The following MACF1 variants were observed in gnomAD, a reference collection of about 807,000 sequenced individuals.
The protein encoded by MACF1 is microtubule actin crosslinking factor 1.
A neutral mutation model predicts 854.8 loss-of-function variants in MACF1; 193 were observed. That is an observed-to-expected ratio of 0.23 (90% CI 0.20 to 0.25). MACF1 has a LOEUF of 0.25. Among genes scored for constraint, MACF1 ranks in the 10% least tolerant of loss-of-function variants. MACF1 has a pLI of 1.00. For synonymous variants in MACF1, 3,185 were observed against 3,226.7 expected (o/e 0.99, Z 0.44); for missense variants, 7,722 against 8,929.1 (o/e 0.86, Z 5.45).
chr1:39,331,347 C>T lies in MACF1; in HGVS notation c.4759C>T (p.Pro1587Ser). The T allele has an allele frequency of 6.2e-7, 1 of 1,613,974 alleles. No individual in the cohort carries two copies. ...SQVIMSGLIA[P>S]ETGENLSLEE... is the part of the protein sequence containing the mutation. ...GGTTATCATGTCTGGCCTCATTGCCCCTGAGACGGGTGAAAACCTCTCTTT... is the reference window on the plus strand; with the variant it reads ...GGTTATCATGTCTGGCCTCATTGCCTCTGAGACGGGTGAAAACCTCTCTTT... The change falls in exon 37 of 101, where the codon CCT becomes TCT. Residue 1587 changes from proline to serine, a missense_variant. By Grantham distance (74) the Pro-to-Ser change is moderately conservative. Coordinates refer to ENST00000564288, the MANE Select transcript of MACF1 (RefSeq NM_001394062.1).
At chr1:39,146,726 G>A (rs1197693952) in intron 2 of MACF1, among the ~76,000 whole-genome samples, 7 of 151,978 alleles carry the variant, frequency 4.6e-5, no homozygotes, top group Non-Finnish European at 8.8e-5. Flanking sequence ...ACAGGGAAGT[G>A]GGGGATGGTT....
intron 15 of MACF1, among the ~76,000 whole-genome samples, chr1:39,288,578 T>C (rs2148392584): frequency 6.6e-6 from 1 of 151,034 alleles, no homozygotes; most frequent in Middle Eastern, 3.5e-3. Context: ...GGTGGGCGGA[T>C]TGTGTGAGTC....
In MACF1 at chr1:39,334,796, T is replaced by C. The variant is rs1190174717; in HGVS notation, c.8208T>C (p.Ser2736=). Residue 2736 remains serine, a synonymous_variant, in exon 37 of 101, where the codon AGT becomes AGC. Transcript: ENST00000564288. ...VLNGGIVDIF[S]DQRVTLVEAI... ...ATGGAGGAATTGTTGACATATTTAG[T>C]GATCAGAGAGTGACTTTAGTAGAAG... 1 of 1,614,152 alleles carries C rather than the reference T, an allele frequency of 6.2e-7. No individual in the cohort carries two copies.
At chr1:39,245,970 A>C (rs1170933587) in intron 2 of MACF1, among the ~76,000 whole-genome samples, 1 of 152,208 alleles carries the variant, frequency 6.6e-6, no homozygotes, top group East Asian at 1.9e-4. Flanking sequence ...AAGCACTCTT[A>C]CTTATTTGTA....
chr1:39,344,178 A>G (rs1003749339), intron 40 of MACF1, among the ~76,000 whole-genome samples: 4 of 151,082 alleles, frequency 2.6e-5, no homozygotes, highest in Non-Finnish European at 5.9e-5. Flanking sequence ...ATAAATCCCA[A>G]CACTTTGGGA....
At chr1:39,248,066 C>T (rs538600372) in intron 2 of MACF1, among the ~76,000 whole-genome samples, 1 of 152,296 alleles carries the variant, frequency 6.6e-6, no homozygotes, top group Admixed American at 6.5e-5. Context: ...TTTTCCAGTT[C>T]ATCATGAACC....
chr1:39,116,957 G>A (rs995802110), intron 2 of MACF1, among the ~76,000 whole-genome samples: 2 of 152,162 alleles, frequency 1.3e-5, no homozygotes, highest in Non-Finnish European at 2.9e-5. Flanking sequence ...TTTCCATGAA[G>A]GTTATGTAGT....
At chr1:39,257,476 G>T (rs993517027) in intron 5 of MACF1, 24 of 155,634 alleles carry the variant, frequency 1.5e-4, no homozygotes, top group Non-Finnish European at 3.1e-4. Flanking sequence ...CTAATTTTTT[G>T]TATTTTTAGC....
intron 6 of MACF1, among the ~76,000 whole-genome samples, chr1:39,271,178 G>C (rs1475717763): frequency 1.4e-4 from 21 of 152,128 alleles, no homozygotes; most frequent in Non-Finnish European, 5.9e-5. Flanking sequence ...AATTTACAAA[G>C]TAAAGAGGTT....
At chr1:39,479,574 T>C (rs1415436830) in intron 97 of MACF1, among the ~76,000 whole-genome samples, 1 of 152,204 alleles carries the variant, frequency 6.6e-6, no homozygotes, top group African/African-American at 2.4e-5. Flanking sequence ...TGGTCCTTTA[T>C]ACACAGAGAC....
At position 39,388,054 on chromosome 1, in the gene MACF1, A is replaced by G. The variant is rs374026577; in HGVS notation, c.15212A>G (p.Asn5071Ser). ...GAGCCTCAGGTAGACTATCTGAGGA[A>G]CTTTACTCAGGGTCTGGTAGAAGAT... Reference protein sequence around the residue: ...ALEPQVDYLRNFTQGLVEDAP... With the variant: ...ALEPQVDYLRSFTQGLVEDAP... The change falls in exon 58 of 101, where the codon AAC becomes AGC. Residue 5071 changes from asparagine to serine, a missense_variant. Physicochemically the swap from Asn to Ser is conservative, Grantham distance 46. Transcript: ENST00000564288. 13 of 1,613,986 alleles carry G rather than the reference A, an allele frequency of 8.1e-6. No individual in the cohort carries two copies. The African/African-American group carries it at 9.3e-5, about 12-fold the overall frequency.
rs1283278678 is a variant in MACF1, at chr1:39,378,309, T to C, written c.13214-152T>C. On this transcript the variant is annotated intron_variant, in intron 52 of 100. Coordinates refer to ENST00000564288, the MANE Select transcript of MACF1 (RefSeq NM_001394062.1). ...ACGTTTTGTTGCCTGGCAGCTAAAA[T>C]AATTTGTCTCTTTCCATGAGTATGT... 6 of 504,814 alleles carry C rather than the reference T, an allele frequency of 1.2e-5. No individual in the cohort carries two copies. In the East Asian group the frequency reaches 1.8e-4, roughly 15 times the overall value. 31.3% of individuals were successfully genotyped at this position (504,814 alleles called of 1,614,324 possible).
At chr1:39,293,655 T>C in intron 18 of MACF1, 36 bp downstream of exon 18, 2 of 1,585,900 alleles carry the variant, frequency 1.3e-6, no homozygotes, top group Non-Finnish European at 1.7e-6. Flanking sequence ...GTCATACTTA[T>C]TTAACAGCAG....
intron 66 of MACF1, 96 bp from the exon 67 acceptor site, chr1:39,432,439 A>C: frequency 9.5e-7 from 1 of 1,056,400 alleles, no homozygotes; most frequent in Non-Finnish European, 1.4e-6. Flanking sequence ...AAACTGTATT[A>C]CTGAAAATCC....
At chr1:39,327,092 G>A (rs1045903139) in intron 35 of MACF1, 126 bp from the exon 36 acceptor site, 1 of 939,032 alleles carries the variant, frequency 1.1e-6, no homozygotes, top group African/African-American at 1.7e-5. Context: ...AAATGCCAAA[G>A]TCTCCGATGA....
At chr1:39,447,093 AT>A (rs1219424249) in intron 80 of MACF1, among the ~76,000 whole-genome samples, 5 of 152,218 alleles carry the variant, frequency 3.3e-5, no homozygotes, top group African/African-American at 1.2e-4. Flanking sequence ...CAGGTTGTAG[AT>A]CCTGCAGCTG....
chr1:39,368,753 C>T (rs1398341133), intron 50 of MACF1, among the ~76,000 whole-genome samples: 2 of 152,172 alleles, frequency 1.3e-5, no homozygotes, highest in African/African-American at 4.8e-5. Context: ...CGACCTGCCT[C>T]CGCCTCCCAA....
intron 65 of MACF1, among the ~76,000 whole-genome samples, chr1:39,430,446 T>A (rs181883501): frequency 2.0e-5 from 3 of 152,094 alleles, no homozygotes; most frequent in Admixed American, 2.0e-4. Context: ...AGTAAGGAGA[T>A]GAAAGAAGTA....
intron 2 of MACF1, among the ~76,000 whole-genome samples, chr1:39,115,105 A>G (rs1642512907): frequency 6.6e-6 from 1 of 152,146 alleles, no homozygotes; most frequent in African/African-American, 2.4e-5. Flanking sequence ...TAGAGCTTGG[A>G]CTTTATCCTA....
Sources: gnomAD v4.1 joint callset for allele counts (sites outside exome capture counted in the v4.1 genomes callset) on GRCh38, gnomAD v4.1.1 for gene constraint, MANE v1.5 for transcripts, NCBI Gene and HGNC (gene_info 2026-07-23, HGNC 2026-07-21) for gene names.